DENND5B: variants seen among roughly 807,000 people sequenced by gnomAD.
The protein encoded by DENND5B is DENN domain-containing protein 5B.
DENND5B carries 34 observed loss-of-function variants against 140.6 expected under a neutral mutation model. The observed-to-expected ratio is 0.24, with a 90% confidence interval of 0.18 to 0.32. DENND5B has a LOEUF of 0.32. DENND5B is among the 10% of genes least tolerant of loss of function. The pLI is 1.00. For synonymous variants in DENND5B, 551 were observed against 562.1 expected, an observed-to-expected ratio of 0.98 and a Z score of 0.28; for missense variants, 1,142 against 1,560.2, an observed-to-expected ratio of 0.73 and a Z score of 4.52.
Position 31,387,041 on chromosome 12 carries a change from G to A in DENND5B, c.*562C>T, listed in dbSNP as rs1565529493. The A allele has an allele frequency of 6.6e-6, 1 of 152,066 alleles. No individual in the cohort carries two copies. The highest frequency in any genetic ancestry group is 6.6e-5 in the Admixed American group (1 of 15,254). 9.4% of individuals were successfully genotyped at this position (152,066 alleles called of 1,614,324 possible). On this transcript the variant is annotated 3_prime_UTR_variant, in exon 21 of 21. Transcript: ENST00000389082. ...CCAAAAGACTGGAAAAGTGACTAGCGATTCAAATATATAAAACAGTTTGTA... is the reference window on the plus strand; with the variant it reads ...CCAAAAGACTGGAAAAGTGACTAGCAATTCAAATATATAAAACAGTTTGTA...
intron 8 of DENND5B, among the ~76,000 whole-genome samples, chr12:31,430,427 G>A (rs1432112344): frequency 6.9e-6 from 1 of 145,808 alleles, no homozygotes; most frequent in Non-Finnish European, 1.5e-5. Flanking sequence ...GCCAAGGTGG[G>A]AGGATCACAA....
chr12:31,402,880 T>C (rs574160279), intron 14 of DENND5B, among the ~76,000 whole-genome samples: 2 of 152,296 alleles, frequency 1.3e-5, no homozygotes, highest in Admixed American at 6.5e-5. Flanking sequence ...TATATCATCA[T>C]GTATGTATGA....
chr12:31,551,067 T>C (rs1949043992), intron 1 of DENND5B, among the ~76,000 whole-genome samples: 1 of 152,188 alleles, frequency 6.6e-6, no homozygotes, highest in African/African-American at 2.4e-5. Context: ...TTTAGTTTCA[T>C]TAGATCCCAT....
intron 1 of DENND5B, among the ~76,000 whole-genome samples, chr12:31,584,840 T>G (rs904053288): frequency 1.7e-5 from 1 of 58,698 alleles, no homozygotes; most frequent in Admixed American, 1.8e-4. Flanking sequence ...CCACCCACCC[T>G]CCCCGAAAAA....
rs191158931 is a variant in DENND5B at position 31,410,310 on chromosome 12, C to T, written c.2682-926G>A. Among the ~76,000 whole-genome samples the T allele has an allele frequency of 2.6e-5, 4 of 152,324 alleles. No individual in the cohort carries two copies. In the East Asian group the frequency reaches 5.8e-4, roughly 22 times the overall value. On this transcript the variant is annotated intron_variant, in intron 13 of 20. Coordinates refer to ENST00000389082, the MANE Select transcript of DENND5B (RefSeq NM_144973.4). ...GGGCAAAGATTTCATTAAACACTTA[C>T]ATTTAAGCACTTTCCCAAGTGTTTT... is the stretch of plus-strand genomic sequence containing the variant.
At chr12:31,460,441 T>C in intron 3 of DENND5B, 60 bp from the exon 4 acceptor site, 1 of 1,518,650 alleles carries the variant, frequency 6.6e-7, no homozygotes, top group South Asian at 1.3e-5. Flanking sequence ...ATCACTTCAT[T>C]AAGCTGGAAA....
At chr12:31,534,873 T>C in intron 1 of DENND5B, 1 of 426,386 alleles carries the variant, frequency 2.3e-6, no homozygotes, top group South Asian at 1.9e-5. Flanking sequence ...TTATCTTTGC[T>C]GTCTCCTTTC....
At chr12:31,534,704 T>C (rs985723610) in intron 1 of DENND5B, 7 of 280,552 alleles carry the variant, frequency 2.5e-5, no homozygotes, top group South Asian at 1.0e-4. Context: ...CTAAAATTAC[T>C]AGAACCATTA....
chr12:31,505,192 T>C (rs1947150261), intron 1 of DENND5B, among the ~76,000 whole-genome samples: 1 of 152,174 alleles, frequency 6.6e-6, no homozygotes, highest in South Asian at 2.1e-4. Flanking sequence ...GCTTGTTACA[T>C]GTTTAAATAC....
In DENND5B at chr12:31,440,678, A is replaced by G. The variant is rs190574892; in HGVS notation, c.2012+2097T>C. 4.6e-5 allele frequency among the ~76,000 whole-genome samples: 7 copies of G among 152,150 alleles called. No individual in the cohort carries two copies. The East Asian group carries it at 1.4e-3, about 29-fold the overall frequency. Reference sequence around the variant, plus strand: ...AAACGAAGGGTTTTTTGTTTTTTTGAAAGAGGGTCTTTGCAAGGTTGACCA... The same window carrying G: ...AAACGAAGGGTTTTTTGTTTTTTTGGAAGAGGGTCTTTGCAAGGTTGACCA... On this transcript the variant is annotated intron_variant, in intron 7 of 20. Transcript: ENST00000389082.
In DENND5B at chr12:31,590,809, G is replaced by T; in HGVS notation, c.24C>A (p.Pro8=). The T allele has an allele frequency of 3.1e-6, 4 of 1,299,462 alleles. No individual in the cohort carries two copies. Among genetic ancestry groups the T allele is most frequent in the Middle Eastern group, 3.0e-4 (1 of 3,378 alleles). 80.5% of individuals were successfully genotyped at this position (1,299,462 alleles called of 1,614,324 possible). The change falls in exon 1 of 21, where the codon CCC becomes CCA. Residue 8 remains proline (P), a synonymous_variant. Transcript: ENST00000389082. Reference sequence around the variant, plus strand: ...CCGGGGAGGAGCCCGAGCCCGGGCCGGGCGCCGCGCAGCTCCCGCTCATCC... The same window carrying T: ...CCGGGGAGGAGCCCGAGCCCGGGCCTGGCGCCGCGCAGCTCCCGCTCATCC... MSGSCAA[P]GPGSGSSPAA... is the part of the protein sequence containing the mutation.
chr12:31,521,774 T>C (rs1947899836), intron 1 of DENND5B, among the ~76,000 whole-genome samples: 2 of 152,180 alleles, frequency 1.3e-5, no homozygotes, highest in African/African-American at 2.4e-5. Context: ...CCCCATGCCT[T>C]AGTTTAGGTA....
At position 31,424,543 on chromosome 12, in the gene DENND5B, C is replaced by G. The variant is rs890197497; in HGVS notation, c.2383G>C (p.Val795Leu). The G allele has an allele frequency of 6.2e-7, 1 of 1,613,242 alleles. No homozygotes were observed. The highest frequency in any genetic ancestry group is 1.3e-5 in the African/African-American group (1 of 74,862). ...LERIWSHGLQ[V>L]KQGKSALWSH... ...CCTCCTAAAACTGTTACCTGCTTGACCTGCAAGCCATGGCTCCATATCCTC... is the reference window on the plus strand; with the variant it reads ...CCTCCTAAAACTGTTACCTGCTTGAGCTGCAAGCCATGGCTCCATATCCTC... Residue 795 changes from valine to leucine, a missense_variant, in exon 10 of 21, where the codon GTC (valine) becomes CTC (leucine). By Grantham distance (32) the Val-to-Leu change is conservative (BLOSUM62 1). Around this residue, in one of 5 missense-constraint regions of DENND5B, gnomAD observed 33 missense variants for 90.8 expected, o/e 0.36. Transcript: ENST00000389082.
intron 1 of DENND5B, among the ~76,000 whole-genome samples, chr12:31,517,095 C>A (rs557369470): frequency 6.6e-6 from 1 of 152,024 alleles, no homozygotes; most frequent in African/African-American, 2.4e-5. Context: ...ATCTTAAATT[C>A]GGCTGGGGAA....
At chr12:31,522,385 T>A (rs145521820) in intron 1 of DENND5B, among the ~76,000 whole-genome samples, 3 of 152,362 alleles carry the variant, frequency 2.0e-5, no homozygotes, top group Admixed American at 6.5e-5. Context: ...TGATCCCAAT[T>A]TCCTAGGTGA....
At chr12:31,556,292 C>A (rs1004157835) in intron 1 of DENND5B, among the ~76,000 whole-genome samples, 1 of 152,204 alleles carries the variant, frequency 6.6e-6, no homozygotes, top group Non-Finnish European at 1.5e-5. Flanking sequence ...GCAACCTCCG[C>A]CTCCTGGGTT....
intron 13 of DENND5B, 89 bp from the exon 14 acceptor site, chr12:31,409,473 T>TA: frequency 1.8e-5 from 10 of 558,264 alleles, no homozygotes; most frequent in Non-Finnish European, 2.3e-5. Flanking sequence ...TTTCATTATG[T>TA]CTTTTTTTTT....
chr12:31,584,663 C>T (rs920089891), intron 1 of DENND5B, among the ~76,000 whole-genome samples: 4 of 151,778 alleles, frequency 2.6e-5, no homozygotes, highest in South Asian at 2.1e-4. Context: ...CCCATCTCTA[C>T]AAAAAATACA....
At chr12:31,403,206 G>C (rs536710957) in intron 14 of DENND5B, among the ~76,000 whole-genome samples, 2 of 152,160 alleles carry the variant, frequency 1.3e-5, no homozygotes, top group Admixed American at 6.6e-5. Flanking sequence ...CTCCACTCTG[G>C]ACATATCGTG....
Sources: gnomAD v4.1 joint callset for allele counts (sites outside exome capture counted in the v4.1 genomes callset) on GRCh38, gnomAD v4.1.1 for gene constraint, gnomAD v4.1.1 regional missense constraint, MANE v1.5 for transcripts, NCBI Gene and HGNC (gene_info 2026-07-23, HGNC 2026-07-21) for gene names.